Variants in CDK17 observed in about 807,000 individuals in gnomAD.
The protein encoded by CDK17 is cyclin dependent kinase 17, also known as cyclin-dependent kinase 17.
A neutral mutation model predicts 77.6 loss-of-function variants in CDK17; 24 were observed. The observed-to-expected ratio is 0.31, with a 90% CI of 0.22 to 0.44. The LOEUF (loss-of-function observed/expected upper bound fraction) is 0.44, where lower values mean the gene tolerates loss of function less well. Among genes scored for constraint, CDK17 ranks in the 20% least tolerant of loss-of-function variants. The pLI, the probability that CDK17 is intolerant of heterozygous loss-of-function variation, is 1.00. For synonymous variants in CDK17, 203 were observed against 210.4 expected, an observed-to-expected ratio of 0.96 and a Z score of 0.30; for missense variants, 429 against 622.5, an observed-to-expected ratio of 0.69 and a Z score of 3.31.
chr12:96,348,945 A>G (rs1592745772), intron 1 of CDK17, among the ~76,000 whole-genome samples: 4 of 152,312 alleles, frequency 2.6e-5, no homozygotes, highest in African/African-American at 4.8e-5. Flanking sequence ...CTTGACTTCT[A>G]TAAGGCCAAC....
At chr12:96,310,660 A>G (rs1014040510) in intron 5 of CDK17, among the ~76,000 whole-genome samples, 5 of 151,600 alleles carry the variant, frequency 3.3e-5, no homozygotes, top group Admixed American at 1.3e-4. Flanking sequence ...TTACACAGGT[A>G]TATTAACATT....
At chr12:96,363,781 T>G (rs1041711109) in intron 1 of CDK17, among the ~76,000 whole-genome samples, 12 of 151,882 alleles carry the variant, frequency 7.9e-5, no homozygotes, top group African/African-American at 1.7e-4. Flanking sequence ...ACCTGGGAGG[T>G]GGAGGTTGCT....
chr12:96,297,958 A>C (rs1592711411), intron 7 of CDK17, among the ~76,000 whole-genome samples: 2 of 151,760 alleles, frequency 1.3e-5, no homozygotes, highest in Admixed American at 1.3e-4. Context: ...GATTCTCTTA[A>C]GTTTAAAGCA....
intron 1 of CDK17, among the ~76,000 whole-genome samples, chr12:96,338,772 T>C (rs1592737945): frequency 2.3e-5 from 1 of 43,116 alleles, no homozygotes; most frequent in African/African-American, 9.9e-5. Context: ...GCCACTAAGG[T>C]TTTTTTTTTT....
chr12:96,283,790 C>G (rs1050387220), intron 13 of CDK17, 145 bp from the exon 14 acceptor site: 15 of 550,356 alleles, frequency 2.7e-5, no homozygotes, highest in Non-Finnish European at 4.7e-5. Context: ...AGACACAAAT[C>G]TGTTTTAGTC....
chr12:96,285,253 T>G (rs2137065255), intron 13 of CDK17, among the ~76,000 whole-genome samples: 1 of 152,354 alleles, frequency 6.6e-6, no homozygotes. Context: ...GTTGCTATAG[T>G]AACAATAAGA....
chr12:96,393,158 T>G (rs947738385), intron 1 of CDK17, among the ~76,000 whole-genome samples: 6 of 138,094 alleles, frequency 4.3e-5, no homozygotes, highest in African/African-American at 1.6e-4. Flanking sequence ...AGGTCAGGAG[T>G]TCAACACCAG....
intron 15 of CDK17, 72 bp from the exon 16 acceptor site, chr12:96,280,957 A>C: frequency 8.3e-7 from 1 of 1,204,898 alleles, no homozygotes; most frequent in Non-Finnish European, 1.2e-6. Context: ...CTATCAACAA[A>C]TGTTTATAAA....
intron 10 of CDK17, among the ~76,000 whole-genome samples, chr12:96,291,697 C>A (rs1164532471): frequency 6.9e-6 from 1 of 145,916 alleles, no homozygotes. Context: ...TGGCTCACTG[C>A]AACCTCCGCC....
intron 1 of CDK17, among the ~76,000 whole-genome samples, chr12:96,376,381 C>CTT (rs1953782650): frequency 6.6e-6 from 1 of 152,182 alleles, no homozygotes; most frequent in East Asian, 1.9e-4. Context: ...AACCAGACTC[C>CTT]AAAACATCAA....
At position 96,297,138 on chromosome 12, in the gene CDK17, A is replaced by G. The variant is rs998980359; in HGVS notation, c.873+132T>C. On this transcript the variant is annotated intron_variant, in intron 9 of 16. Transcript: ENST00000261211. ...TTCTGGGTAAATATTGCACGTTCAG[A>G]GGACAATAACCTATTTAAAAGGCCA... 1.6e-5 allele frequency: 9 copies of G among 552,804 alleles called. No homozygotes were observed. The African/African-American group carries it at 1.7e-4, about 10-fold the overall frequency. 34.2% of individuals were successfully genotyped at this position (552,804 alleles called of 1,614,324 possible). A position where few individuals can be genotyped will look rare whatever the true frequency, so the allele number is the denominator to read the frequency against.
intron 1 of CDK17, among the ~76,000 whole-genome samples, chr12:96,339,704 C>A (rs61939061): frequency 1.4e-4 from 21 of 151,926 alleles, no homozygotes; most frequent in African/African-American, 3.4e-4. Context: ...CCGAGGTGAG[C>A]GGATCACTTG....
chr12:96,363,517 A>C (rs998945924), intron 1 of CDK17, among the ~76,000 whole-genome samples: 2 of 151,348 alleles, frequency 1.3e-5, no homozygotes, highest in Admixed American at 6.6e-5. Flanking sequence ...GTATTCTATG[A>C]AGTGCTACTT....
intron 1 of CDK17, among the ~76,000 whole-genome samples, chr12:96,340,111 T>A (rs562143794): frequency 6.6e-6 from 1 of 151,878 alleles, no homozygotes; most frequent in Admixed American, 6.6e-5. Context: ...GAGCATTTTA[T>A]ATGCTCTATG....
At chr12:96,388,415 A>C (rs1400641009) in intron 1 of CDK17, among the ~76,000 whole-genome samples, 1 of 152,208 alleles carries the variant, frequency 6.6e-6, no homozygotes. Flanking sequence ...CAAACATACA[A>C]GAAGGATGCA....
At chr12:96,297,911 G>A (rs1428879328) in intron 7 of CDK17, among the ~76,000 whole-genome samples, 190 bp from the exon 8 acceptor site, 1 of 150,718 alleles carries the variant, frequency 6.6e-6, no homozygotes, top group East Asian at 1.9e-4. Flanking sequence ...TTCAAGACCA[G>A]CCTGGGCAAC....
chr12:96,312,857 C>T (rs1030531521), intron 4 of CDK17, among the ~76,000 whole-genome samples: 4 of 152,074 alleles, frequency 2.6e-5, no homozygotes, highest in Non-Finnish European at 4.4e-5. Context: ...AGGACACCCA[C>T]TTTTATAATA....
At chr12:96,389,131 A>T (rs1358969913) in intron 1 of CDK17, among the ~76,000 whole-genome samples, 9 of 142,552 alleles carry the variant, frequency 6.3e-5, no homozygotes, top group Non-Finnish European at 9.2e-5. Context: ...TGCTCAACTA[A>T]TTTTTTTTTT....
chr12:96,299,312 T>C (rs989324272), intron 6 of CDK17, among the ~76,000 whole-genome samples: 1 of 152,144 alleles, frequency 6.6e-6, no homozygotes, highest in Non-Finnish European at 1.5e-5. Flanking sequence ...TGCAATGGTA[T>C]ATGGAGACTG....
Sources: allele counts gnomAD v4.1 joint callset (sites outside exome capture counted in the v4.1 genomes callset), GRCh38; gene constraint gnomAD v4.1.1; transcripts MANE v1.5; gene names NCBI Gene and HGNC (gene_info 2026-07-23, HGNC 2026-07-21).